The following MRPL13 variants were observed in gnomAD, a reference collection of about 807,000 sequenced individuals.
The protein encoded by MRPL13 is large ribosomal subunit protein uL13m.
A neutral mutation model predicts 29.0 loss-of-function variants in MRPL13; 33 were observed. The observed-to-expected ratio is 1.14, with a 90% CI of 0.86 to 1.52. The LOEUF (loss-of-function observed/expected upper bound fraction) is 1.52. Ranked by LOEUF, MRPL13 falls within the 40% of genes most tolerant of loss-of-function variation. The probability of loss-of-function intolerance (pLI) is 0.00; values close to 1 mark genes in which losing one functional copy is unlikely to be tolerated. For synonymous variants in MRPL13, 77 were observed against 68.4 expected (o/e 1.13, Z -0.62); for missense variants, 227 against 216.7 (o/e 1.05, Z -0.30).
At chr8:120,439,461 G>T (rs1469798262) in intron 2 of MRPL13, among the ~76,000 whole-genome samples, 1 of 152,198 alleles carries the variant, frequency 6.6e-6, no homozygotes, top group Admixed American at 6.5e-5. Flanking sequence ...ACAAGGTTAT[G>T]TATTGATTGG....
intron 4 of MRPL13, among the ~76,000 whole-genome samples, chr8:120,422,112 T>G (rs1222674137): frequency 2.0e-5 from 3 of 151,742 alleles, no homozygotes; most frequent in Admixed American, 6.6e-5. Context: ...ATCATGAAAC[T>G]TTTAAATGGT....
At chr8:120,426,582 T>G (rs750563757) in intron 3 of MRPL13, among the ~76,000 whole-genome samples, 15 of 152,174 alleles carry the variant, frequency 9.9e-5, no homozygotes, top group Non-Finnish European at 2.2e-4. Flanking sequence ...AACATACCAT[T>G]TACAATATAT....
At chr8:120,435,252 C>G (rs1813040305) in intron 2 of MRPL13, among the ~76,000 whole-genome samples, 1 of 152,028 alleles carries the variant, frequency 6.6e-6, no homozygotes, top group Non-Finnish European at 1.5e-5. Context: ...GGTAAATGTA[C>G]AGGTGTGTTA....
At chr8:120,444,157 A>T (rs528742229) in intron 1 of MRPL13, among the ~76,000 whole-genome samples, 34 of 152,212 alleles carry the variant, frequency 2.2e-4, no homozygotes, top group Admixed American at 5.2e-4. Flanking sequence ...AGAAAAAAAA[A>T]ATTTTTAATG....
At chr8:120,444,906 T>G in intron 1 of MRPL13, 162 bp downstream of exon 1, 1 of 746,276 alleles carries the variant, frequency 1.3e-6, no homozygotes, top group South Asian at 1.5e-5. Context: ...CGACATTAAG[T>G]GCTTGCCAGA....
rs764820509 is a variant in MRPL13 at position 120,413,988 on chromosome 8, T to TA, written c.515+2dup. On this transcript the variant is annotated splice_region_variant and intron_variant, in intron 6 of 6. Coordinates refer to ENST00000306185, the MANE Select transcript of MRPL13 (RefSeq NM_014078.6). ...AAAAAACAAGAAGAAGGGAAACACT[T>TA]ACGGAGTCCACAATCTTGGGAAGGC... The TA allele has an allele frequency of 5.0e-5, 77 of 1,547,200 alleles. No individual in the cohort carries two copies. Among genetic ancestry groups the TA allele is most frequent in the Admixed American group, 6.5e-5 (3 of 45,876 alleles).
At chr8:120,400,328 A>G (rs1421128311) in intron 6 of MRPL13, among the ~76,000 whole-genome samples, 1 of 152,226 alleles carries the variant, frequency 6.6e-6, no homozygotes, top group Non-Finnish European at 1.5e-5. Flanking sequence ...AAATTCACTC[A>G]AAACCACACA....
chr8:120,427,863 C>T lies in MRPL13; in HGVS notation c.246-2497G>A, dbSNP rs144556269. On this transcript the variant is annotated intron_variant, in intron 3 of 6. Coordinates refer to ENST00000306185, the MANE Select transcript of MRPL13 (RefSeq NM_014078.6). ...GACACAGACAAACGGAAAAACACTC[C>T]ATGCTCATGGATAGGAAGAATCAGT... Among the ~76,000 whole-genome samples, 776 of 152,000 alleles carry T rather than the reference C, an allele frequency of 5.1e-3. 8 individuals are homozygous for T. Among genetic ancestry groups the T allele is most frequent in the African/African-American group, 0.017 (690 of 41,454 alleles).
intron 2 of MRPL13, among the ~76,000 whole-genome samples, chr8:120,438,072 A>G (rs986413997): frequency 1.3e-5 from 2 of 152,204 alleles, no homozygotes; most frequent in African/African-American, 4.8e-5. Flanking sequence ...TATTAAATAC[A>G]CTGAAACATG....
At chr8:120,441,564 C>T (rs1813124689) in intron 2 of MRPL13, among the ~76,000 whole-genome samples, 1 of 152,054 alleles carries the variant, frequency 6.6e-6, no homozygotes, top group Non-Finnish European at 1.5e-5. Context: ...GAAAATTAGC[C>T]TGGACTCCTC....
intron 2 of MRPL13, among the ~76,000 whole-genome samples, chr8:120,437,583 C>T (rs910146411): frequency 6.6e-6 from 1 of 152,094 alleles, no homozygotes; most frequent in Admixed American, 6.6e-5. Flanking sequence ...TTATCAGAAA[C>T]ACGTTCAAAA....
rs1421403536 is a variant in MRPL13 at position 120,443,122 on chromosome 8, A to G, written c.151+63T>C. On this transcript the variant is annotated intron_variant, in intron 2 of 6. Transcript: ENST00000306185. ...CTTAAACTCAGCCCTGTTAAACTTCATCAAGATTCTATTCTGGCATGAAAA... is the reference window on the plus strand; with the variant it reads ...CTTAAACTCAGCCCTGTTAAACTTCGTCAAGATTCTATTCTGGCATGAAAA... 3 of 1,359,698 alleles carry G rather than the reference A, an allele frequency of 2.2e-6. No individual in the cohort carries two copies. The East Asian group carries it at 8.2e-5, about 37-fold the overall frequency. 84.2% of individuals were successfully genotyped at this position (1,359,698 alleles called of 1,614,324 possible).
At chr8:120,402,039 T>A (rs572748682) in intron 6 of MRPL13, among the ~76,000 whole-genome samples, 2 of 152,260 alleles carry the variant, frequency 1.3e-5, no homozygotes, top group South Asian at 2.1e-4. Context: ...TGCTCATGGA[T>A]AGGAAGAATC....
intron 6 of MRPL13, among the ~76,000 whole-genome samples, chr8:120,400,721 T>C (rs1812583236): frequency 7.6e-6 from 1 of 132,200 alleles, no homozygotes; most frequent in Non-Finnish European, 1.6e-5. Flanking sequence ...AATAAATAAA[T>C]AAATAAATAA....
chr8:120,403,036 T>A (rs1381805884), intron 6 of MRPL13, among the ~76,000 whole-genome samples: 2 of 152,156 alleles, frequency 1.3e-5, no homozygotes, highest in Non-Finnish European at 2.9e-5. Flanking sequence ...AAGAACACTT[T>A]TACACTGTTG....
chr8:120,418,698 G>GACACAA (rs1812834208), intron 5 of MRPL13, among the ~76,000 whole-genome samples: 1 of 152,002 alleles, frequency 6.6e-6, no homozygotes. Flanking sequence ...GTGTCTTTTA[G>GACACAA]AAATTATGGT....
chr8:120,396,124 G>T lies in MRPL13; in HGVS notation c.517C>A (p.Pro173Thr), dbSNP rs1289123712. 6 of 1,581,782 alleles carry T rather than the reference G, an allele frequency of 3.8e-6. No individual in the cohort carries two copies. In the East Asian group the frequency reaches 1.1e-4, roughly 30 times the overall value. ...TTCTCTTATAGCCGATAATCTTCAG[G>T]TCTGAAAGAAAAAATCAACATATTT... ...IDAFPRLWTP[P>T]EDYRL The change falls in exon 7 of 7, where the codon CCT (proline) becomes ACT (threonine). Residue 173 changes from proline to threonine, a missense_variant and splice_region_variant. Coordinates refer to ENST00000306185, the MANE Select transcript of MRPL13 (RefSeq NM_014078.6).
In MRPL13 at chr8:120,398,166, C is replaced by G. The variant is rs536658474; in HGVS notation, c.516-2041G>C. On this transcript the variant is annotated intron_variant, in intron 6 of 6. Transcript: ENST00000306185. Reference sequence around the variant, plus strand: ...GCAGCCAGACTGCTTTAAGCAGGTCCCTGATCCTGTCTCTCCTGACTGGGT... The same window carrying G: ...GCAGCCAGACTGCTTTAAGCAGGTCGCTGATCCTGTCTCTCCTGACTGGGT... Among the ~76,000 whole-genome samples, 81 of 152,312 alleles carry G rather than the reference C, an allele frequency of 5.3e-4. 2 individuals carry two copies. The highest frequency in any genetic ancestry group is 6.8e-3 in the Middle Eastern group (2 of 294).
chr8:120,418,948 CAGTA>C (rs961312828), intron 5 of MRPL13, among the ~76,000 whole-genome samples: 32 of 151,944 alleles, frequency 2.1e-4, no homozygotes, highest in African/African-American at 7.5e-4. Flanking sequence ...AAAGCTTAAA[CAGTA>C]AGAGCACATA....
Sources: gnomAD v4.1 joint callset for allele counts (sites outside exome capture counted in the v4.1 genomes callset) on GRCh38, gnomAD v4.1.1 for gene constraint, MANE v1.5 for transcripts, NCBI Gene and HGNC (gene_info 2026-07-23, HGNC 2026-07-21) for gene names.